Variants in PIK3R3 observed in about 807,000 individuals in gnomAD.
PIK3R3 encodes the protein phosphoinositide-3-kinase regulatory subunit 3.
A neutral mutation model predicts 62.9 loss-of-function variants in PIK3R3; 64 were observed. The ratio of observed to expected loss-of-function variants is 1.02; its 90% CI spans 0.83 to 1.25. The LOEUF (loss-of-function observed/expected upper bound fraction) is 1.25, where lower values mean the gene tolerates loss of function less well. Among genes scored for constraint, PIK3R3 ranks in the 50% most tolerant of loss-of-function variants. PIK3R3 has a pLI of 0.00. For missense variants in PIK3R3, 614 were observed against 561.6 expected, an observed-to-expected ratio of 1.09 and a Z score of -0.94; for synonymous variants, 165 against 189.0, an observed-to-expected ratio of 0.87 and a Z score of 1.04.
At chr1:46,166,735 C>G in the PIK3R3 span, among the ~76,000 whole-genome samples, 248 of 152,290 alleles carry the variant, frequency 1.6e-3, 4 homozygotes, top group African/African-American at 5.8e-3. Flanking sequence ...AGTAATCGGT[C>G]GAATTCGCTA....
upstream of PIK3R3, among the ~76,000 whole-genome samples, chr1:46,137,682 C>T (rs1013974966): frequency 6.6e-6 from 1 of 152,198 alleles, no homozygotes; most frequent in African/African-American, 2.4e-5. Context: ...CCAGTTCTCT[C>T]TCCTATCACT....
chr1:46,082,226 G>T (rs931939906), intron 1 of PIK3R3, among the ~76,000 whole-genome samples: 1 of 152,128 alleles, frequency 6.6e-6, no homozygotes, highest in Non-Finnish European at 1.5e-5. Flanking sequence ...TCACTTCTGT[G>T]ACATTCCTGC....
chr1:46,071,832 C>T (rs1479056656), intron 3 of PIK3R3, among the ~76,000 whole-genome samples: 2 of 147,432 alleles, frequency 1.4e-5, no homozygotes, highest in African/African-American at 5.0e-5. Context: ...ACATTAAATA[C>T]ATTAAATACA....
chr1:46,043,905 T>A (rs1557545690), intron 9 of PIK3R3, 34 bp from the exon 10 acceptor site: 3 of 1,545,382 alleles, frequency 1.9e-6, no homozygotes, highest in Non-Finnish European at 2.7e-6. Flanking sequence ...AATGTTAAGG[T>A]AGGTAACAAT....
At chr1:46,134,140 T>A (rs1184170065), upstream of PIK3R3, among the ~76,000 whole-genome samples, 1 of 152,194 alleles carries the variant, frequency 6.6e-6, no homozygotes, top group Non-Finnish European at 1.5e-5. Flanking sequence ...ACTGCTCCAT[T>A]TCCTCTTTAC....
the PIK3R3 span, among the ~76,000 whole-genome samples, chr1:46,148,743 GGAGA>G: frequency 0.18 from 25,674 of 143,254 alleles, 2,388 homozygotes; most frequent in South Asian, 0.38. Context: ...CCAAGATTTT[GGAGA>G]GAGAGAGAGA....
At chr1:46,145,220 C>T in the PIK3R3 span, among the ~76,000 whole-genome samples, 3 of 151,718 alleles carry the variant, frequency 2.0e-5, no homozygotes, top group Non-Finnish European at 2.9e-5. Flanking sequence ...AGGGAGAGAA[C>T]TGACCCCTTT....
Position 46,123,965 on chromosome 1 carries a change from A to G in PIK3R3, c.106+7882T>C, listed in dbSNP as rs1304954861. 2.0e-5 allele frequency among the ~76,000 whole-genome samples: 3 copies of G among 152,218 alleles called. No homozygotes were observed. The East Asian group carries it at 5.8e-4, about 29-fold the overall frequency. On this transcript the variant is annotated intron_variant, in intron 1 of 9. Coordinates refer to ENST00000262741, the MANE Select transcript of PIK3R3 (RefSeq NM_003629.4). ...CTTGGGTTGACATTTCCATAGACTC[A>G]TGAAACGTTATAACTAGAAAAGACC...
At chr1:46,090,387 G>A (rs991210285) in intron 1 of PIK3R3, among the ~76,000 whole-genome samples, 7 of 151,794 alleles carry the variant, frequency 4.6e-5, no homozygotes, top group African/African-American at 9.7e-5. Flanking sequence ...GATGGAGTGC[G>A]GTGGCGCAAT....
At chr1:46,147,075 C>T in the PIK3R3 span, among the ~76,000 whole-genome samples, 1 of 152,138 alleles carries the variant, frequency 6.6e-6, no homozygotes, top group African/African-American at 2.4e-5. Flanking sequence ...CTGTGATTTC[C>T]TACTTTTGCA....
At chr1:46,139,229 CT>C in the PIK3R3 span, 1 of 152,084 alleles carries the variant, frequency 6.6e-6, no homozygotes, top group African/African-American at 2.4e-5. Context: ...CCATAAGACA[CT>C]ATTTCTGCCC....
In PIK3R3 at chr1:46,078,583, A is replaced by G. The variant is rs1023369077; in HGVS notation, c.216-970T>C. 6.6e-5 allele frequency among the ~76,000 whole-genome samples: 10 copies of G among 152,308 alleles called. No homozygotes were observed. In the South Asian group the frequency reaches 1.7e-3, roughly 25 times the overall value. The stretch of plus-strand genomic sequence containing the variant: ...TAATAAAACATATTAAGTCCTCTTC[A>G]AAAAGTTAAACACAGAATTACCTAC... On this transcript the variant is annotated intron_variant, in intron 2 of 9. Coordinates refer to ENST00000262741, the MANE Select transcript of PIK3R3 (RefSeq NM_003629.4).
the PIK3R3 span, among the ~76,000 whole-genome samples, chr1:46,144,331 C>T: frequency 2.0e-5 from 3 of 152,214 alleles, no homozygotes; most frequent in African/African-American, 7.2e-5. Flanking sequence ...TATAGAGCTT[C>T]TTAAGGCCCA....
the PIK3R3 span, among the ~76,000 whole-genome samples, chr1:46,148,743 GGAGAGAGAGAGAGAGAGAGA>G: frequency 7.0e-6 from 1 of 143,364 alleles, no homozygotes; most frequent in Admixed American, 7.0e-5. Flanking sequence ...CCAAGATTTT[GGAGAGAGAGAGAGAGAGAGA>G]GAGAGAGAGA....
chr1:46,043,936 G>C (rs562570799), intron 9 of PIK3R3, 65 bp from the exon 10 acceptor site: 21 of 1,353,470 alleles, frequency 1.6e-5, no homozygotes, highest in Non-Finnish European at 1.5e-5. Flanking sequence ...ACACTAAATG[G>C]CCAGAAGTCT....
At chr1:46,139,453 C>T in the PIK3R3 span, among the ~76,000 whole-genome samples, 1 of 151,980 alleles carries the variant, frequency 6.6e-6, no homozygotes, top group African/African-American at 2.4e-5. Flanking sequence ...TTACAGGTGC[C>T]CACCACCATG....
chr1:46,043,442 C>T lies in PIK3R3; in HGVS notation c.*231G>A, dbSNP rs753152444. The T allele has an allele frequency of 2.5e-5, 13 of 528,374 alleles. No individual in the cohort carries two copies. Among genetic ancestry groups the T allele is most frequent in the Non-Finnish European group, 4.1e-5 (12 of 292,464 alleles). The allele number at this position is 528,374 out of a possible 1,614,324, so 32.7% of individuals were successfully genotyped here. ...CAATGAAACAGACTTTCAAAAAAAACATCTGCTTCCAGCTTAGTATGTCAG... is the reference window on the plus strand; with the variant it reads ...CAATGAAACAGACTTTCAAAAAAAATATCTGCTTCCAGCTTAGTATGTCAG... On this transcript the variant is annotated 3_prime_UTR_variant, in exon 10 of 10. Coordinates refer to ENST00000262741, the MANE Select transcript of PIK3R3 (RefSeq NM_003629.4).
At chr1:46,128,859 T>C (rs1397014136) in intron 1 of PIK3R3, among the ~76,000 whole-genome samples, 2 of 152,150 alleles carry the variant, frequency 1.3e-5, no homozygotes, top group Non-Finnish European at 2.9e-5. Flanking sequence ...GGCAGGCAGA[T>C]CACCTGAGGT....
the PIK3R3 span, among the ~76,000 whole-genome samples, chr1:46,173,021 A>G: frequency 6.6e-6 from 1 of 152,092 alleles, no homozygotes; most frequent in Admixed American, 6.5e-5. Flanking sequence ...AAAAGAAACA[A>G]ACAAACAAAG....
Sources: gnomAD v4.1 joint callset for allele counts (sites outside exome capture counted in the v4.1 genomes callset) on GRCh38, gnomAD v4.1.1 for gene constraint, MANE v1.5 for transcripts, NCBI Gene and HGNC (gene_info 2026-07-23, HGNC 2026-07-21) for gene names.